Variants in ZC4H2 observed in about 807,000 individuals in gnomAD.
ZC4H2 encodes zinc finger C4H2 domain-containing protein.
For missense variants in ZC4H2, 137 were observed against 173.9 expected, an observed-to-expected ratio of 0.79 and a Z score of 1.19; for synonymous variants, 84 against 66.3, an observed-to-expected ratio of 1.27 and a Z score of -1.30.
intron 1 of ZC4H2, among the ~76,000 whole-genome samples, chrX:65,026,286 G>A (rs1038715767): frequency 8.9e-6 from 1 of 112,102 alleles, no homozygotes; most frequent in South Asian, 3.7e-4. Context: ...AGGCAAAATG[G>A]TTGTGGAAAG....
At chrX:64,929,992 C>A (rs1264178958) in intron 1 of ZC4H2, among the ~76,000 whole-genome samples, 1 of 111,456 alleles carries the variant, frequency 9.0e-6, no homozygotes, top group Non-Finnish European at 1.9e-5. Flanking sequence ...TGATTCTACC[C>A]CTCCATGAGC....
At chrX:64,952,419 C>G (rs1183730384) in intron 1 of ZC4H2, among the ~76,000 whole-genome samples, 1 of 109,955 alleles carries the variant, frequency 9.1e-6, no homozygotes, top group African/African-American at 3.3e-5. Flanking sequence ...AATATTGACC[C>G]CATCATGTCA....
At chrX:64,946,245 A>T (rs1410577844) in intron 1 of ZC4H2, among the ~76,000 whole-genome samples, 1 of 111,845 alleles carries the variant, frequency 8.9e-6, no homozygotes, top group African/African-American at 3.3e-5. Context: ...CTGGTGGTAC[A>T]GGTCCATGAG....
At chrX:64,992,965 C>T (rs1932338354) in intron 1 of ZC4H2, among the ~76,000 whole-genome samples, 1 of 111,036 alleles carries the variant, frequency 9.0e-6, no homozygotes. Flanking sequence ...GAAAGCTAAA[C>T]TTAGTGATGT....
chrX:65,011,354 C>T, intron 1 of ZC4H2, among the ~76,000 whole-genome samples: 1 of 111,476 alleles, frequency 9.0e-6, no homozygotes. Flanking sequence ...ACCATGTTCC[C>T]CCTTTGCTCA....
At chrX:64,965,949 C>CAAA (rs148777993) in intron 1 of ZC4H2, among the ~76,000 whole-genome samples, 33 of 37,505 alleles carry the variant, frequency 8.8e-4, no homozygotes, top group South Asian at 3.6e-3. Context: ...AACAAAGAAG[C>CAAA]AAAAAAAAAA....
intron 1 of ZC4H2, among the ~76,000 whole-genome samples, chrX:65,009,382 G>A (rs1383978577): frequency 1.8e-5 from 2 of 110,828 alleles, no homozygotes; most frequent in Admixed American, 9.6e-5. Context: ...ATAGACTCCA[G>A]AGTTTGAAAA....
At chrX:64,918,075 C>A in intron 4 of ZC4H2, 179 bp from the exon 5 acceptor site, 1 of 493,037 alleles carries the variant, frequency 2.0e-6, no homozygotes, top group Non-Finnish European at 3.2e-6. Context: ...AAGGACATAA[C>A]CCAGTTCAGA....
chrX:64,961,933 A>G (rs1394346591), intron 1 of ZC4H2, among the ~76,000 whole-genome samples: 1 of 111,595 alleles, frequency 9.0e-6, no homozygotes, highest in African/African-American at 3.2e-5. Flanking sequence ...AAAACTTCCC[A>G]ACAAAGAAAA....
chrX:64,965,119 C>T (rs1384577436), intron 1 of ZC4H2, among the ~76,000 whole-genome samples: 1 of 111,757 alleles, frequency 8.9e-6, no homozygotes, highest in East Asian at 2.8e-4. Flanking sequence ...AACTAATCTA[C>T]AGATCCAACA....
rs139980315 is a variant in ZC4H2, at chrX:64,989,633, T to G, written c.-272+44996A>C. On this transcript the variant is annotated intron_variant, in intron 1 of 4. Transcript: ENST00000337990. ...GGAGAAAATATTTGAAAACTACATA[T>G]TCAACAAAAGACTAGCATCTAAAAT... Among the ~76,000 whole-genome samples the G allele has an allele frequency of 1.8e-3, 206 of 112,178 alleles. 4 individuals carry two copies. The East Asian group carries it at 0.036, about 20-fold the overall frequency.
chrX:64,975,091 T>C (rs1931901457), intron 1 of ZC4H2, among the ~76,000 whole-genome samples: 1 of 110,102 alleles, frequency 9.1e-6, no homozygotes, highest in Non-Finnish European at 1.9e-5. Context: ...AATGTGGCAA[T>C]TTCAAGCTGC....
intron 1 of ZC4H2, among the ~76,000 whole-genome samples, chrX:64,935,597 C>G (rs991448235): frequency 1.8e-5 from 2 of 112,061 alleles, no homozygotes; most frequent in African/African-American, 6.5e-5. Context: ...CTGGCAGGTG[C>G]CCCTCTGGGA....
At chrX:64,990,206 C>T (rs1281383160) in intron 1 of ZC4H2, among the ~76,000 whole-genome samples, 1 of 112,028 alleles carries the variant, frequency 8.9e-6, no homozygotes, top group African/African-American at 3.2e-5. Context: ...ATAAAGAAAA[C>T]TATTGATACA....
At chrX:64,934,491 C>T (rs1167891812) in intron 1 of ZC4H2, among the ~76,000 whole-genome samples, 1 of 112,104 alleles carries the variant, frequency 8.9e-6, no homozygotes, top group East Asian at 2.8e-4. Context: ...CCTGTGGGGT[C>T]TGCAGCAATA....
intron 1 of ZC4H2, among the ~76,000 whole-genome samples, chrX:64,946,439 C>T (rs1263502695): frequency 9.0e-6 from 1 of 110,827 alleles, no homozygotes; most frequent in African/African-American, 3.3e-5. Flanking sequence ...GCTGTCTAAC[C>T]AGTCCCAACG....
At chrX:65,018,009 T>G (rs1279469194) in intron 1 of ZC4H2, among the ~76,000 whole-genome samples, 1 of 111,852 alleles carries the variant, frequency 8.9e-6, no homozygotes, top group Non-Finnish European at 1.9e-5. Flanking sequence ...AGCTTCTGCA[T>G]AGCAAAAGAA....
At chrX:65,030,570 C>G (rs1932924217) in intron 1 of ZC4H2, among the ~76,000 whole-genome samples, 1 of 112,199 alleles carries the variant, frequency 8.9e-6, no homozygotes, top group Admixed American at 9.4e-5. Flanking sequence ...CTTCTTGCAT[C>G]ATTAGATTAT....
intron 3 of ZC4H2, 190 bp from the exon 4 acceptor site, chrX:64,919,394 T>C (rs1280730094): frequency 4.5e-6 from 2 of 444,441 alleles, no homozygotes; most frequent in Non-Finnish European, 3.7e-6. Context: ...GTAATCCTCT[T>C]TGTCCTTAGC....
Sources: gnomAD v4.1 joint callset for allele counts (sites outside exome capture counted in the v4.1 genomes callset) on GRCh38, gnomAD v4.1.1 for gene constraint, MANE v1.5 for transcripts, NCBI Gene and HGNC (gene_info 2026-07-23, HGNC 2026-07-21) for gene names.